IST1: variants seen among roughly 807,000 people sequenced by gnomAD.
IST1 encodes the protein IST1 factor associated with ESCRT-III, also known as IST1 homolog.
In IST1, 23 loss-of-function variants were observed where a neutral mutation model predicts 37.0. The observed-to-expected ratio is 0.62, with a 90% confidence interval of 0.45 to 0.88. The LOEUF is 0.88. Among genes scored for constraint, IST1 ranks in the 40% least tolerant of loss-of-function variants. IST1 has a pLI of 0.00. For synonymous variants in IST1, 180 were observed against 161.7 expected (o/e 1.11, Z -0.86); for missense variants, 488 against 445.4 (o/e 1.10, Z -0.86).
intron 9 of IST1, among the ~76,000 whole-genome samples, chr16:71,927,228 G>A (rs536459823): frequency 1.4e-4 from 21 of 151,978 alleles, no homozygotes; most frequent in Non-Finnish European, 2.6e-4. Flanking sequence ...AGCCAGATGC[G>A]GTGGCTCACA....
chr16:71,895,166 T>C, upstream of IST1: 1 of 249,120 alleles, frequency 4.0e-6, no homozygotes. Context: ...AGAGAGGCGG[T>C]ACTGGCAGCC....
At chr16:71,922,763 A>G in intron 7 of IST1, 83 bp downstream of exon 7, 1 of 1,151,582 alleles carries the variant, frequency 8.7e-7, no homozygotes, top group Non-Finnish European at 1.3e-6. Context: ...CAGGAATCAT[A>G]GGTTGTCAGG....
intron 2 of IST1, 80 bp downstream of exon 2, chr16:71,915,808 A>T (rs767772182): frequency 2.4e-6 from 2 of 838,104 alleles, no homozygotes; most frequent in African/African-American, 1.7e-5. Flanking sequence ...GGCCAGTACT[A>T]TGAAGTCTTA....
At chr16:71,921,602 A>G (rs762487350) in intron 6 of IST1, 149 bp downstream of exon 6, 8 of 591,088 alleles carry the variant, frequency 1.4e-5, no homozygotes, top group African/African-American at 1.3e-4. Context: ...ATGTGCCTGC[A>G]TATCTCACAG....
chr16:71,915,862 ACT>A (rs1425146206), intron 2 of IST1, 134 bp downstream of exon 2: 4 of 575,054 alleles, frequency 7.0e-6, no homozygotes, highest in African/African-American at 5.8e-5. Flanking sequence ...ACAGGGTCTC[ACT>A]CTGTCGCCCA....
At chr16:71,897,316 G>A (rs4788449) in intron 1 of IST1, among the ~76,000 whole-genome samples, 109,997 of 152,008 alleles carry the variant, frequency 0.72, 40,453 homozygotes, top group East Asian at 0.98. Context: ...TTAGTGTTAC[G>A]TTTTAAAGTC....
In IST1 at chr16:71,920,734, T is replaced by C; in HGVS notation, c.358-5T>C. On this transcript the variant is annotated splice_polypyrimidine_tract_variant and splice_region_variant and intron_variant, in intron 4 of 9. Coordinates refer to ENST00000378799, the MANE Select transcript of IST1 (RefSeq NM_001270975.2). The stretch of plus-strand genomic sequence containing the variant: ...ATTTTTATTTGCTGTCCTTTTTCTT[T>C]TTAGGTTGCTGATCAGCTCTGTGCC... 1.2e-6 allele frequency: 2 copies of C among 1,611,958 alleles called. No individual in the cohort carries two copies. The highest frequency in any genetic ancestry group is 2.2e-5 in the East Asian group (1 of 44,866).
At chr16:71,900,548 T>TA (rs576425722) in intron 1 of IST1, among the ~76,000 whole-genome samples, 23 of 152,050 alleles carry the variant, frequency 1.5e-4, no homozygotes, top group Non-Finnish European at 3.1e-4. Context: ...AGCTGAGTGA[T>TA]AAAAGAGGAA....
In IST1 at chr16:71,928,580, G is replaced by C. The variant is rs2037809558; in HGVS notation, c.*767G>C. 1 of 152,648 alleles carries C rather than the reference G, an allele frequency of 6.6e-6. No homozygotes were observed. Among genetic ancestry groups the C allele is most frequent in the Non-Finnish European group, 1.5e-5 (1 of 68,060 alleles). The allele number at this position is 152,648 out of a possible 1,614,324, so 9.5% of individuals were successfully genotyped here. A position where few individuals can be genotyped will look rare whatever the true frequency, so the allele number is the denominator to read the frequency against. On this transcript the variant is annotated 3_prime_UTR_variant, in exon 10 of 10. Transcript: ENST00000378799. The stretch of plus-strand genomic sequence containing the variant: ...ATTGTGTTGGATTGCATTACTGGCA[G>C]AGAAAGGACAAGGTGCCATTCAAGT...
upstream of IST1, chr16:71,895,316 G>C (rs1396108173): frequency 6.4e-6 from 1 of 155,678 alleles, no homozygotes; most frequent in African/African-American, 2.4e-5. Context: ...CTCAGTCGGC[G>C]TGGCGCTTCC....
At position 71,930,460 on chromosome 16, in the gene IST1, T is replaced by G. The variant is rs1597267577; in HGVS notation, c.*2647T>G. Reference sequence around the variant, plus strand: ...AATTGGAAATGATTCAAATGTCACATGAGTTTTGGCAAAAAATACATCTAA... The same window carrying G: ...AATTGGAAATGATTCAAATGTCACAGGAGTTTTGGCAAAAAATACATCTAA... On this transcript the variant is annotated 3_prime_UTR_variant, in exon 10 of 10. Coordinates refer to ENST00000378799, the MANE Select transcript of IST1 (RefSeq NM_001270975.2). The G allele has an allele frequency of 1.0e-5, 2 of 195,570 alleles. No individual in the cohort carries two copies. Among genetic ancestry groups the G allele is most frequent in the East Asian group, 1.4e-4 (1 of 7,270 alleles). The allele number at this position is 195,570 out of a possible 1,614,324, so 12.1% of individuals were successfully genotyped here. A position where few individuals can be genotyped will look rare whatever the true frequency, so the allele number is the denominator to read the frequency against.
intron 1 of IST1, among the ~76,000 whole-genome samples, chr16:71,914,736 T>C (rs559396520): frequency 6.6e-6 from 1 of 152,230 alleles, no homozygotes; most frequent in Non-Finnish European, 1.5e-5. Flanking sequence ...CCTACTGCTC[T>C]TTCTTTCTTT....
At chr16:71,926,364 T>A (rs1490121569) in intron 9 of IST1, among the ~76,000 whole-genome samples, 1 of 151,858 alleles carries the variant, frequency 6.6e-6, no homozygotes, top group Non-Finnish European at 1.5e-5. Context: ...TTTTTTTTTT[T>A]AGGCAGTCTT....
intron 1 of IST1, among the ~76,000 whole-genome samples, chr16:71,899,646 C>T (rs919635957): frequency 4.6e-5 from 7 of 152,164 alleles, no homozygotes; most frequent in Non-Finnish European, 8.8e-5. Flanking sequence ...GAGGCCGAGG[C>T]GGGTGGATCA....
intron 1 of IST1, among the ~76,000 whole-genome samples, chr16:71,904,165 C>A (rs551767742): frequency 6.6e-6 from 1 of 152,234 alleles, no homozygotes; most frequent in Admixed American, 6.5e-5. Context: ...GCTGTTGTTG[C>A]CCAGGCTGAG....
In IST1 at chr16:71,927,901, T is replaced by A; in HGVS notation, c.*88T>A. 1.0e-6 allele frequency: 1 copy of A among 958,222 alleles called. No individual in the cohort carries two copies. The highest frequency in any genetic ancestry group is 1.6e-6 in the Non-Finnish European group (1 of 606,120). 59.4% of individuals were successfully genotyped at this position (958,222 alleles called of 1,614,324 possible). A position where few individuals can be genotyped will look rare whatever the true frequency, so the allele number is the denominator to read the frequency against. ...CAAAGAATCTCCATGAAATTCTGTT[T>A]CATCTGTTAACCGTCACTCAGCACA... is the stretch of plus-strand genomic sequence containing the variant. On this transcript the variant is annotated 3_prime_UTR_variant, in exon 10 of 10. Coordinates refer to ENST00000378799, the MANE Select transcript of IST1 (RefSeq NM_001270975.2).
chr16:71,899,336 C>T lies in IST1; in HGVS notation c.-16+3747C>T, dbSNP rs557274035. On this transcript the variant is annotated intron_variant, in intron 1 of 9. Coordinates refer to ENST00000378799, the MANE Select transcript of IST1 (RefSeq NM_001270975.2). Reference sequence around the variant, plus strand: ...GCTCATGCCTGTAATCCCAGCACTTCGGGAGGTTGAGGCGGGAGGATTGCT... The same window carrying T: ...GCTCATGCCTGTAATCCCAGCACTTTGGGAGGTTGAGGCGGGAGGATTGCT... Among the ~76,000 whole-genome samples the T allele has an allele frequency of 4.0e-5, 6 of 151,720 alleles. No individual in the cohort carries two copies. The South Asian group carries it at 8.4e-4, about 21-fold the overall frequency.
chr16:71,921,182 C>T (rs72801786), intron 5 of IST1, 161 bp from the exon 6 acceptor site: 102,545 of 611,074 alleles, frequency 0.17, 11,081 homozygotes, highest in South Asian at 0.38. Context: ...CTTGGGTCCT[C>T]TGATGTGTCT....
chr16:71,923,928 G>T (rs781613316), intron 8 of IST1, among the ~76,000 whole-genome samples: 1 of 151,848 alleles, frequency 6.6e-6, no homozygotes, highest in Non-Finnish European at 1.5e-5. Flanking sequence ...TTTTTGACCA[G>T]CCTTGTTTCT....
Sources: gnomAD v4.1 joint callset for allele counts (sites outside exome capture counted in the v4.1 genomes callset) on GRCh38, gnomAD v4.1.1 for gene constraint, MANE v1.5 for transcripts, NCBI Gene and HGNC (gene_info 2026-07-23, HGNC 2026-07-21) for gene names.